Variants in ACTR1A observed in about 807,000 individuals in gnomAD.
The protein encoded by ACTR1A is actin related protein 1A.
In ACTR1A, 10 loss-of-function variants were observed where a neutral mutation model predicts 50.7. That is an observed-to-expected ratio of 0.20 (90% CI 0.12 to 0.33). The LOEUF is 0.33. ACTR1A is among the 10% of genes least tolerant of loss of function. The pLI is 1.00. For missense variants in ACTR1A, 253 were observed against 491.7 expected (o/e 0.51, Z 4.59); for synonymous variants, 177 against 184.2 (o/e 0.96, Z 0.32).
At position 102,488,422 on chromosome 10, in the gene ACTR1A, G is replaced by A. The variant is rs1218903213; in HGVS notation, c.190-147C>T. ...CCTGCTGTCCTTGCCCAGGGCTAAGGGTGGGCACTCATTCTCCAAGGCTAA... is the reference window on the plus strand; with the variant it reads ...CCTGCTGTCCTTGCCCAGGGCTAAGAGTGGGCACTCATTCTCCAAGGCTAA... On this transcript the variant is annotated intron_variant, in intron 3 of 10. Transcript: ENST00000369905. The surrounding 1 kb of genome is among the most constrained non-coding windows in gnomAD (Gnocchi z 4.4). 1 of 1,156,784 alleles carries A rather than the reference G, an allele frequency of 8.6e-7. No homozygotes were observed. Among genetic ancestry groups the A allele is most frequent in the Non-Finnish European group, 1.2e-6 (1 of 821,408 alleles). The allele number at this position is 1,156,784 out of a possible 1,614,324, so 71.7% of individuals were successfully genotyped here. A position where few individuals can be genotyped will look rare whatever the true frequency, so the allele number is the denominator to read the frequency against.
chr10:102,486,933 C>T (rs7917402), intron 4 of ACTR1A, among the ~76,000 whole-genome samples: 53,281 of 149,322 alleles, frequency 0.36, 9,612 homozygotes, highest in African/African-American at 0.4. Flanking sequence ...ACTACAGGCA[C>T]GCACCACTGT....
Position 102,480,757 on chromosome 10 carries a change from A to T in ACTR1A, c.*106T>A. 1.1e-6 allele frequency: 1 copy of T among 932,852 alleles called. No individual in the cohort carries two copies. Among genetic ancestry groups the T allele is most frequent in the South Asian group, 1.4e-5 (1 of 71,922 alleles). The allele number at this position is 932,852 out of a possible 1,614,324, so 57.8% of individuals were successfully genotyped here. On this transcript the variant is annotated 3_prime_UTR_variant, in exon 11 of 11. Transcript: ENST00000369905. ...CGCATGTGCACACACACTCATATCC[A>T]CACACGCACTCACACACAGGCAGTT...
intron 4 of ACTR1A, among the ~76,000 whole-genome samples, chr10:102,486,411 C>T (rs1468757722): frequency 1.3e-5 from 2 of 152,084 alleles, no homozygotes; most frequent in Admixed American, 6.6e-5. Flanking sequence ...TGAAAACAGC[C>T]GGGCGTGGTG....
chr10:102,502,568 G>A, intron 1 of ACTR1A, 32 bp downstream of exon 1: 11 of 1,612,942 alleles, frequency 6.8e-6, no homozygotes, highest in Non-Finnish European at 9.3e-6. Context: ...GAGAGCCCAA[G>A]TCCCCTTATA....
In ACTR1A at chr10:102,482,249, C is replaced by T; in HGVS notation, c.751-74G>A. 1 of 1,423,212 alleles carries T rather than the reference C, an allele frequency of 7.0e-7. No individual in the cohort carries two copies. The highest frequency in any genetic ancestry group is 1.2e-5 in the South Asian group (1 of 84,474). The allele number at this position is 1,423,212 out of a possible 1,614,324, so 88.2% of individuals were successfully genotyped here. A position where few individuals can be genotyped will look rare whatever the true frequency, so the allele number is the denominator to read the frequency against. ...CCTTTGGGAGTGGGAATGGAAGACG[C>T]CCCTCTGCACGTCACTTAGTAACTG... On this transcript the variant is annotated intron_variant, in intron 7 of 10. Transcript: ENST00000369905. The surrounding 1 kb of genome is among the most constrained non-coding windows in gnomAD (Gnocchi z 5.6).
chr10:102,482,141 A>G lies in ACTR1A; in HGVS notation c.785T>C (p.Leu262Pro). Reference protein sequence around the residue: ...GPSRFRAPELLFRPDLIGEES... With the variant: ...GPSRFRAPELPFRPDLIGEES... The stretch of plus-strand genomic sequence containing the variant: ...CTCTCCAATCAAATCTGGCCTGAAG[A>G]GCAACTCAGGGGCCCGGAATCGGGA... Residue 262 changes from leucine to proline, a missense_variant, in exon 8 of 11, where the codon CTC becomes CCC. Physicochemically the swap from Leu to Pro is moderately conservative, Grantham distance 98. Around this residue, in one of 4 missense-constraint regions of ACTR1A, gnomAD observed 116 missense variants for 155.9 expected, o/e 0.74. Coordinates refer to ENST00000369905, the MANE Select transcript of ACTR1A (RefSeq NM_005736.4). The surrounding 1 kb of genome is among the most constrained non-coding windows in gnomAD (Gnocchi z 5.6). The G allele has an allele frequency of 6.2e-7, 1 of 1,613,890 alleles. No homozygotes were observed. The highest frequency in any genetic ancestry group is 8.5e-7 in the Non-Finnish European group (1 of 1,180,024).
Position 102,479,985 on chromosome 10 carries a change from G to C in ACTR1A, c.*878C>G, listed in dbSNP as rs1268297812. The C allele has an allele frequency of 8.6e-6, 2 of 231,472 alleles. No individual in the cohort carries two copies. The highest frequency in any genetic ancestry group is 9.6e-5 in the Admixed American group (2 of 20,890). The allele number at this position is 231,472 out of a possible 1,614,324, so 14.3% of individuals were successfully genotyped here. On this transcript the variant is annotated 3_prime_UTR_variant, in exon 11 of 11. Transcript: ENST00000369905. This position sits in a 1 kb window ranked among gnomAD's most constrained non-coding sequence, Gnocchi z 4.0. ...AGCTCACCATCAGCTGGGAGAGGTG[G>C]GGCCCTGGAGGCTAAGCTTAGGTGC...
chr10:102,495,724 G>A (rs1364601527), intron 1 of ACTR1A, among the ~76,000 whole-genome samples: 2 of 148,646 alleles, frequency 1.3e-5, no homozygotes, highest in Non-Finnish European at 3.0e-5. Context: ...GACAGCCTCC[G>A]TCTCAAAATA....
intron 1 of ACTR1A, among the ~76,000 whole-genome samples, chr10:102,497,961 C>T (rs1178101472): frequency 6.8e-6 from 1 of 147,440 alleles, no homozygotes; most frequent in Non-Finnish European, 1.5e-5. Context: ...GCAGGTGGTA[C>T]ACGGCTGTAG....
intron 1 of ACTR1A, among the ~76,000 whole-genome samples, chr10:102,493,318 TGCCTTCATCTGGGTGTG>T (rs1286403003): frequency 6.6e-6 from 1 of 152,228 alleles, no homozygotes; most frequent in Non-Finnish European, 1.5e-5. Context: ...GATTGCTCAC[TGCCTTCATCTGGGTGTG>T]GTGATGCCAA....
chr10:102,479,602 G>A lies in ACTR1A; in HGVS notation c.*1261C>T. ...GGCTCCATTAGCTCCTGGCACTCTG[G>A]TCTGGCCCACTCCCTCCTTAACCAA... On this transcript the variant is annotated 3_prime_UTR_variant, in exon 11 of 11. Coordinates refer to ENST00000369905, the MANE Select transcript of ACTR1A (RefSeq NM_005736.4). The surrounding 1 kb of genome is among the most constrained non-coding windows in gnomAD (Gnocchi z 4.0). 7.8e-7 allele frequency: 1 copy of A among 1,289,374 alleles called. No homozygotes were observed. Among genetic ancestry groups the A allele is most frequent in the Non-Finnish European group, 1.0e-6 (1 of 988,776 alleles). 79.9% of individuals were successfully genotyped at this position (1,289,374 alleles called of 1,614,324 possible). A position where few individuals can be genotyped will look rare whatever the true frequency, so the allele number is the denominator to read the frequency against.
intron 1 of ACTR1A, among the ~76,000 whole-genome samples, chr10:102,496,228 C>G (rs2062222020): frequency 6.6e-6 from 1 of 152,190 alleles, no homozygotes. Flanking sequence ...CAACACTAGG[C>G]CGGTATTCCT....
chr10:102,499,826 T>C (rs2062238847), intron 1 of ACTR1A, among the ~76,000 whole-genome samples: 1 of 152,244 alleles, frequency 6.6e-6, no homozygotes, highest in Non-Finnish European at 1.5e-5. Context: ...CCTACTCAAT[T>C]ATCTGCAGTA....
chr10:102,498,887 G>T (rs2062234580), intron 1 of ACTR1A, among the ~76,000 whole-genome samples: 1 of 151,942 alleles, frequency 6.6e-6, no homozygotes, highest in African/African-American at 2.4e-5. Context: ...TATGTCTTTG[G>T]GAAGAAATGA....
At position 102,480,224 on chromosome 10, in the gene ACTR1A, T is replaced by G. The variant is rs10748821; in HGVS notation, c.*639A>C. ...ACATTAACTCTGCAGCCATTCAGAG[T>G]GAGGACTGCTCCTGCCCTCCTCCAG... On this transcript the variant is annotated 3_prime_UTR_variant, in exon 11 of 11. Coordinates refer to ENST00000369905, the MANE Select transcript of ACTR1A (RefSeq NM_005736.4). 1 allele frequency: 157,610 copies of G among 157,868 alleles called. 78,678 individuals are homozygous for G. The highest frequency in any genetic ancestry group is 1 in the East Asian group (5,286 of 5,286). The allele number at this position is 157,868 out of a possible 1,614,324, so 9.8% of individuals were successfully genotyped here.
At chr10:102,491,607 C>T (rs2062194657) in intron 1 of ACTR1A, among the ~76,000 whole-genome samples, 2 of 152,212 alleles carry the variant, frequency 1.3e-5, no homozygotes, top group Admixed American at 1.3e-4. Flanking sequence ...TGCTCCAACA[C>T]TTGGTATGTC....
rs1195629595 is a variant in ACTR1A at position 102,482,497 on chromosome 10, GCACCCA to G, written c.751-328_751-323del. On this transcript the variant is annotated intron_variant, in intron 7 of 10. Coordinates refer to ENST00000369905, the MANE Select transcript of ACTR1A (RefSeq NM_005736.4). The surrounding 1 kb of genome is among the most constrained non-coding windows in gnomAD (Gnocchi z 5.6). The stretch of plus-strand genomic sequence containing the variant: ...AGGGAGTGGTAACTCACCCTACACT[GCACCCA>G]GGTGTGGTGAAGGATGGCACTAACC... 2 of 372,860 alleles carry G rather than the reference GCACCCA, an allele frequency of 5.4e-6. No individual in the cohort carries two copies. The highest frequency in any genetic ancestry group is 9.8e-6 in the Non-Finnish European group (2 of 203,316). The allele number at this position is 372,860 out of a possible 1,614,324, so 23.1% of individuals were successfully genotyped here.
chr10:102,495,531 T>G (rs1200761828), intron 1 of ACTR1A, among the ~76,000 whole-genome samples: 1 of 150,472 alleles, frequency 6.6e-6, no homozygotes, highest in East Asian at 2.0e-4. Context: ...ATTGCGCGAC[T>G]GCACTCCAGC....
rs147460638 is a variant in ACTR1A at position 102,491,122 on chromosome 10, G to A, written c.49-509C>T. On this transcript the variant is annotated intron_variant, in intron 1 of 10. Transcript: ENST00000369905. ...GAGGATTCTCACTGTATACACAACC[G>A]TATGTGTGATTTTTCTGTAGTCTCT... Among the ~76,000 whole-genome samples the A allele has an allele frequency of 3.5e-3, 536 of 152,312 alleles. 5 individuals are homozygous for A. The highest frequency in any genetic ancestry group is 0.012 in the African/African-American group (504 of 41,562).
Sources: gnomAD v4.1 joint callset for allele counts (sites outside exome capture counted in the v4.1 genomes callset) on GRCh38, gnomAD v4.1.1 for gene constraint, gnomAD v4.1.1 regional missense constraint, Gnocchi (gnomAD v3.1) non-coding constraint, MANE v1.5 for transcripts, NCBI Gene and HGNC (gene_info 2026-07-23, HGNC 2026-07-21) for gene names.